Variants in RPS6KC1 observed in about 807,000 individuals in gnomAD.
RPS6KC1 encodes ribosomal protein S6 kinase C1, also known as inactive ribosomal protein S6 kinase delta-1.
RPS6KC1 carries 54 observed loss-of-function variants against 103.8 expected under a neutral mutation model. The ratio of observed to expected loss-of-function variants is 0.52; its 90% CI spans 0.42 to 0.65. The LOEUF (loss-of-function observed/expected upper bound fraction) is 0.65, where lower values mean the gene tolerates loss of function less well. Ranked by LOEUF, RPS6KC1 falls within the 30% of genes least tolerant of loss-of-function variation. The pLI is 0.00. For synonymous variants in RPS6KC1, 439 were observed against 438.7 expected (o/e 1.00, Z -0.01); for missense variants, 1,151 against 1,253.8 (o/e 0.92, Z 1.24).
chr1:213,265,446 T>G (rs2094891347), intron 14 of RPS6KC1, among the ~76,000 whole-genome samples: 1 of 152,210 alleles, frequency 6.6e-6, no homozygotes, highest in African/African-American at 2.4e-5. Context: ...TTTATGTGTT[T>G]CCTGAAATAC....
chr1:213,341,754 A>G, the RPS6KC1 span, among the ~76,000 whole-genome samples: 2 of 152,232 alleles, frequency 1.3e-5, no homozygotes, highest in African/African-American at 4.8e-5. Context: ...ATTGAGGCAC[A>G]GGGATGTTAA....
the RPS6KC1 span, among the ~76,000 whole-genome samples, chr1:213,563,101 A>G: frequency 6.6e-6 from 1 of 152,132 alleles, no homozygotes; most frequent in African/African-American, 2.4e-5. Flanking sequence ...GGATTTGTCA[A>G]TTTCTCTTTG....
chr1:213,124,778 A>T (rs1289422123), intron 5 of RPS6KC1, among the ~76,000 whole-genome samples: 2 of 152,110 alleles, frequency 1.3e-5, no homozygotes, highest in African/African-American at 4.8e-5. Context: ...GATATCAGTG[A>T]GTACTAGAAG....
the RPS6KC1 span, among the ~76,000 whole-genome samples, chr1:213,636,399 A>G: frequency 7.4e-4 from 112 of 152,306 alleles, no homozygotes; most frequent in African/African-American, 2.7e-3. Context: ...ACAGCATGGT[A>G]CTGGTACCAA....
chr1:213,525,458 T>A, the RPS6KC1 span, among the ~76,000 whole-genome samples: 2 of 152,242 alleles, frequency 1.3e-5, no homozygotes, highest in East Asian at 3.9e-4. Context: ...GGTGGCTGTA[T>A]GTAAAAGTCT....
At chr1:213,216,540 C>T (rs1368659442) in intron 8 of RPS6KC1, among the ~76,000 whole-genome samples, 1 of 152,194 alleles carries the variant, frequency 6.6e-6, no homozygotes, top group African/African-American at 2.4e-5. Flanking sequence ...ATCTACAGAA[C>T]TCTCCACCCC....
chr1:213,081,597 T>C (rs749184926), intron 3 of RPS6KC1, among the ~76,000 whole-genome samples: 15 of 151,914 alleles, frequency 9.9e-5, no homozygotes, highest in Non-Finnish European at 1.6e-4. Context: ...ACAAAAGTGA[T>C]GGTATATCTC....
chr1:213,176,485 T>C lies in RPS6KC1; in HGVS notation c.1037T>C (p.Ile346Thr), dbSNP rs2148298403. 6.3e-7 allele frequency: 1 copy of C among 1,592,570 alleles called. No individual in the cohort carries two copies. The highest frequency in any genetic ancestry group is 1.1e-5 in the South Asian group (1 of 88,904). ...AAGGCCTTCAGAGTCCTTGGGGTGA[T>C]TGACAAGGTAATTCTTCAGTGTCTC... ...ELKAFRVLGV[I>T]DKVLLVMDTR... Residue 346 changes from isoleucine to threonine, a missense_variant, in exon 8 of 15, where the codon ATT becomes ACT. Transcript: ENST00000366960.
chr1:213,668,354 G>C, the RPS6KC1 span, among the ~76,000 whole-genome samples: 2 of 152,054 alleles, frequency 1.3e-5, no homozygotes, highest in South Asian at 4.2e-4. Context: ...GTGACAAGGT[G>C]CATTGTCAAT....
chr1:213,682,798 C>T, the RPS6KC1 span, among the ~76,000 whole-genome samples: 5 of 152,126 alleles, frequency 3.3e-5, no homozygotes, highest in African/African-American at 4.8e-5. Context: ...TGGGTGCATG[C>T]ACTATAGCAT....
chr1:213,762,709 A>G, the RPS6KC1 span, among the ~76,000 whole-genome samples: 1 of 152,172 alleles, frequency 6.6e-6, no homozygotes, highest in Admixed American at 6.6e-5. Context: ...AAAATATAAA[A>G]TTAATTGTAT....
chr1:213,338,832 G>A, the RPS6KC1 span, among the ~76,000 whole-genome samples: 6 of 149,442 alleles, frequency 4.0e-5, no homozygotes, highest in East Asian at 2.0e-4. Flanking sequence ...TTTGATCTTC[G>A]GGGCTCAAGG....
chr1:213,304,837 A>G, the RPS6KC1 span, among the ~76,000 whole-genome samples: 1 of 152,104 alleles, frequency 6.6e-6, no homozygotes, highest in Admixed American at 6.5e-5. Flanking sequence ...CAGCATGCCC[A>G]GCAAATTTTG....
the RPS6KC1 span, among the ~76,000 whole-genome samples, chr1:213,740,612 C>CAT: frequency 3.3e-5 from 5 of 151,304 alleles, no homozygotes; most frequent in East Asian, 1.9e-4. Context: ...CATATATATA[C>CAT]ATATATATAT....
the RPS6KC1 span, among the ~76,000 whole-genome samples, chr1:213,858,766 G>A: frequency 6.6e-6 from 1 of 152,166 alleles, no homozygotes; most frequent in African/African-American, 2.4e-5. Flanking sequence ...ATAACCAAAT[G>A]TTTTCTGATG....
At chr1:213,670,327 C>T in the RPS6KC1 span, among the ~76,000 whole-genome samples, 6 of 152,052 alleles carry the variant, frequency 3.9e-5, no homozygotes, top group Admixed American at 3.9e-4. Context: ...TTTTGGCCAG[C>T]CTGTTTTCGT....
At chr1:213,345,301 G>T in the RPS6KC1 span, among the ~76,000 whole-genome samples, 2 of 152,140 alleles carry the variant, frequency 1.3e-5, no homozygotes, top group Non-Finnish European at 2.9e-5. Context: ...TATCCATCTT[G>T]TCTTTTACTT....
At chr1:213,474,651 A>C in the RPS6KC1 span, among the ~76,000 whole-genome samples, 1 of 152,184 alleles carries the variant, frequency 6.6e-6, no homozygotes, top group Admixed American at 6.5e-5. Flanking sequence ...AGCAGAGCGC[A>C]TATGTATCTG....
At chr1:213,245,127 C>A (rs2094433388) in intron 12 of RPS6KC1, among the ~76,000 whole-genome samples, 1 of 152,076 alleles carries the variant, frequency 6.6e-6, no homozygotes, top group South Asian at 2.1e-4. Flanking sequence ...ACTTATAACT[C>A]AAGGGAAATT....
Sources: gnomAD v4.1 joint callset for allele counts (sites outside exome capture counted in the v4.1 genomes callset) on GRCh38, gnomAD v4.1.1 for gene constraint, MANE v1.5 for transcripts, NCBI Gene and HGNC (gene_info 2026-07-23, HGNC 2026-07-21) for gene names.